MAN1A2: variants seen among roughly 807,000 people sequenced by gnomAD.
MAN1A2 encodes the protein mannosidase alpha class 1A member 2.
MAN1A2 carries 26 observed loss-of-function variants against 75.7 expected under a neutral mutation model. The observed-to-expected ratio is 0.34, with a 90% CI of 0.25 to 0.48. The LOEUF is 0.48. MAN1A2 is among the 20% of genes least tolerant of loss of function. MAN1A2 has a pLI of 0.99. For synonymous variants in MAN1A2, 247 were observed against 264.6 expected (o/e 0.93, Z 0.65); for missense variants, 562 against 775.5 (o/e 0.72, Z 3.27).
chr1:117,445,888 A>ATATATATATG (rs1649216946), intron 6 of MAN1A2, among the ~76,000 whole-genome samples: 3 of 143,650 alleles, frequency 2.1e-5, no homozygotes, highest in Non-Finnish European at 4.6e-5. Flanking sequence ...GTGTGTGTAT[A>ATATATATATG]TATATATATA....
chr1:117,509,031 T>G (rs1357917499), intron 12 of MAN1A2, among the ~76,000 whole-genome samples: 1 of 151,418 alleles, frequency 6.6e-6, no homozygotes, highest in Non-Finnish European at 1.5e-5. Context: ...ATTGGAAAGT[T>G]TTTTTCAACC....
intron 7 of MAN1A2, 101 bp downstream of exon 7, chr1:117,460,713 A>G: frequency 1.5e-6 from 2 of 1,372,136 alleles, no homozygotes; most frequent in Non-Finnish European, 9.6e-7. Context: ...TTCTAGATAT[A>G]TGTTTATTAG....
At chr1:117,412,716 G>C (rs1223984530) in intron 3 of MAN1A2, among the ~76,000 whole-genome samples, 1 of 151,646 alleles carries the variant, frequency 6.6e-6, no homozygotes, top group African/African-American at 2.4e-5. Context: ...ATAGTGTTAG[G>C]CTTTTTCATT....
At chr1:117,419,624 A>G (rs1390811113) in intron 4 of MAN1A2, among the ~76,000 whole-genome samples, 1 of 152,008 alleles carries the variant, frequency 6.6e-6, no homozygotes, top group Non-Finnish European at 1.5e-5. Flanking sequence ...ATTAACTATG[A>G]ATGTTTTTAT....
intron 8 of MAN1A2, among the ~76,000 whole-genome samples, chr1:117,491,496 AT>A (rs1435881567): frequency 6.6e-5 from 7 of 105,610 alleles, no homozygotes; most frequent in Admixed American, 5.8e-4. Context: ...ATTACTGCTC[AT>A]TGACAATGCA....
intron 12 of MAN1A2, among the ~76,000 whole-genome samples, chr1:117,519,091 A>G (rs1651798778): frequency 6.6e-6 from 1 of 152,050 alleles, no homozygotes; most frequent in Non-Finnish European, 1.5e-5. Flanking sequence ...ATGAGCATTG[A>G]GTCAAAAACG....
At chr1:117,456,180 T>G (rs1462191294) in intron 6 of MAN1A2, among the ~76,000 whole-genome samples, 3 of 152,064 alleles carry the variant, frequency 2.0e-5, no homozygotes, top group Non-Finnish European at 4.4e-5. Flanking sequence ...TTTCACAAAA[T>G]CATAAGTACA....
At chr1:117,481,800 C>T (rs889562567) in intron 8 of MAN1A2, among the ~76,000 whole-genome samples, 3 of 151,938 alleles carry the variant, frequency 2.0e-5, no homozygotes, top group South Asian at 2.1e-4. Context: ...ACACTGTTAA[C>T]GTTTTACCAG....
intron 8 of MAN1A2, among the ~76,000 whole-genome samples, chr1:117,473,879 G>C (rs529281238): frequency 1.3e-5 from 2 of 152,126 alleles, no homozygotes; most frequent in East Asian, 3.9e-4. Flanking sequence ...ACTGCTGATA[G>C]CAGAGAAGAA....
At chr1:117,458,516 T>C (rs865929455) in intron 6 of MAN1A2, among the ~76,000 whole-genome samples, 4 of 107,996 alleles carry the variant, frequency 3.7e-5, no homozygotes, top group Admixed American at 3.6e-4. Flanking sequence ...TATATAGATA[T>C]ATATATATTT....
intron 8 of MAN1A2, among the ~76,000 whole-genome samples, chr1:117,469,862 ACTG>A (rs1650093622): frequency 6.6e-6 from 1 of 152,138 alleles, no homozygotes; most frequent in Non-Finnish European, 1.5e-5. Flanking sequence ...ACCCTTGTAC[ACTG>A]CTAGTAGGAA....
At chr1:117,449,193 A>G (rs552547640) in intron 6 of MAN1A2, among the ~76,000 whole-genome samples, 1 of 152,234 alleles carries the variant, frequency 6.6e-6, no homozygotes, top group South Asian at 2.1e-4. Flanking sequence ...AACAATGCCA[A>G]TAAATAACCT....
chr1:117,435,458 T>C (rs1426269597), intron 5 of MAN1A2, among the ~76,000 whole-genome samples: 1 of 152,114 alleles, frequency 6.6e-6, no homozygotes, highest in Non-Finnish European at 1.5e-5. Flanking sequence ...TCTGTTTCAG[T>C]GAAATGATGG....
chr1:117,394,818 A>G (rs1351907376), intron 1 of MAN1A2, among the ~76,000 whole-genome samples: 3 of 152,076 alleles, frequency 2.0e-5, no homozygotes. Flanking sequence ...AAGTAAAGTG[A>G]AGGAAGGAGA....
chr1:117,371,197 T>G (rs185746271), intron 1 of MAN1A2, among the ~76,000 whole-genome samples: 294 of 152,340 alleles, frequency 1.9e-3, no homozygotes, highest in African/African-American at 6.8e-3. Flanking sequence ...CTTTAAATAC[T>G]GTATATTTTC....
intron 11 of MAN1A2, 55 bp downstream of exon 11, chr1:117,499,609 A>G (rs1227539000): frequency 2.6e-5 from 36 of 1,403,050 alleles, no homozygotes; most frequent in African/African-American, 4.4e-5. Flanking sequence ...ATGCCCTCCT[A>G]TGATGCCACA....
intron 3 of MAN1A2, among the ~76,000 whole-genome samples, chr1:117,411,420 A>G (rs947854505): frequency 3.3e-5 from 5 of 151,828 alleles, no homozygotes; most frequent in South Asian, 2.1e-4. Flanking sequence ...TCAACATTGT[A>G]TAGAAAAATG....
chr1:117,474,223 C>A (rs1384511384), intron 8 of MAN1A2, among the ~76,000 whole-genome samples: 1 of 151,944 alleles, frequency 6.6e-6, no homozygotes, highest in East Asian at 1.9e-4. Context: ...TTTTCTCTTT[C>A]TATTTTATCT....
chr1:117,420,722 C>A, intron 5 of MAN1A2, 73 bp downstream of exon 5: 1 of 1,092,100 alleles, frequency 9.2e-7, no homozygotes, highest in Non-Finnish European at 1.4e-6. Flanking sequence ...AACAATTTCC[C>A]TAGAAGCATA....
Sources: gnomAD v4.1 joint callset for allele counts (sites outside exome capture counted in the v4.1 genomes callset) on GRCh38, gnomAD v4.1.1 for gene constraint, MANE v1.5 for transcripts, NCBI Gene and HGNC (gene_info 2026-07-23, HGNC 2026-07-21) for gene names.